Variants in ANO9 observed in about 807,000 individuals in gnomAD.
The protein encoded by ANO9 is anoctamin-9.
A neutral mutation model predicts 100.5 loss-of-function variants in ANO9; 80 were observed. That is an observed-to-expected ratio of 0.80 (90% CI 0.66 to 0.96). The LOEUF is 0.96. Ranked by LOEUF, ANO9 falls within the 40% of genes least tolerant of loss-of-function variation. ANO9 has a pLI of 0.00. For synonymous variants in ANO9, 473 were observed against 435.6 expected, an observed-to-expected ratio of 1.09 and a Z score of -1.07; for missense variants, 1,064 against 1,072.7, an observed-to-expected ratio of 0.99 and a Z score of 0.11.
Position 420,955 on chromosome 11 carries a change from A to C in ANO9, c.1480T>G (p.Tyr494Asp). Residue 494 changes from tyrosine to aspartate, a missense_variant, in exon 17 of 23, where the codon TAC becomes GAC. Transcript: ENST00000332826. The stretch of plus-strand genomic sequence containing the variant: ...GGGGTCGGCACTCACGGGACCAGGT[A>C]CTCGACGCAGTTGCTGAGCGTCTGC... ...LKQTLSNCVE[Y>D]LVPWVTHKCR... 6.2e-7 allele frequency: 1 copy of C among 1,604,762 alleles called. No individual in the cohort carries two copies. The highest frequency in any genetic ancestry group is 8.5e-7 in the Non-Finnish European group (1 of 1,174,624).
At position 418,316 on chromosome 11, in the gene ANO9, G is replaced by A; in HGVS notation, c.*55C>T. On this transcript the variant is annotated 3_prime_UTR_variant, in exon 23 of 23. Coordinates refer to ENST00000332826, the MANE Select transcript of ANO9 (RefSeq NM_001012302.3). Reference sequence around the variant, plus strand: ...CACGCACAGCGGTGGGCTTGTGGGAGGTGCTGGTGGTGGCACTGTCTCAGC... The same window carrying A: ...CACGCACAGCGGTGGGCTTGTGGGAAGTGCTGGTGGTGGCACTGTCTCAGC... The A allele has an allele frequency of 2.0e-6, 3 of 1,476,320 alleles. No homozygotes were observed. Among genetic ancestry groups the A allele is most frequent in the African/African-American group, 1.4e-5 (1 of 71,104 alleles). 91.5% of individuals were successfully genotyped at this position (1,476,320 alleles called of 1,614,324 possible). A position where few individuals can be genotyped will look rare whatever the true frequency, so the allele number is the denominator to read the frequency against.
rs1405915764 is a variant in ANO9, at chr11:431,891, A to G, written c.422T>C (p.Leu141Pro). The G allele has an allele frequency of 1.9e-6, 3 of 1,610,528 alleles. No homozygotes were observed. Among genetic ancestry groups the G allele is most frequent in the Non-Finnish European group, 2.5e-6 (3 of 1,178,054 alleles). ...KTSAGETFED[L>P]MKDGVFEARF... ...GGCCTCAAAGACCCCGTCCTTCATC[A>G]GATCCTCGAAGGTCTCTGGGTCACA... Residue 141 changes from leucine to proline, a missense_variant, in exon 6 of 23, where the codon CTG (leucine) becomes CCG (proline). By Grantham distance (98) the Leu-to-Pro change is moderately conservative. Coordinates refer to ENST00000332826, the MANE Select transcript of ANO9 (RefSeq NM_001012302.3).
Position 430,157 on chromosome 11 carries a change from C to T in ANO9, c.697G>A (p.Asp233Asn), listed in dbSNP as rs897359800. The T allele has an allele frequency of 2.9e-5, 45 of 1,552,716 alleles. No individual in the cohort carries two copies. The highest frequency in any genetic ancestry group is 3.3e-5 in the Non-Finnish European group (38 of 1,148,576). ...QISKEICEAH[D>N]ILMCPLGDHS... ...TCGCCGAGGGGACACATGAGGATGT[C>T]GTGGGCCTCACAGATCTCCTTGCTG... Residue 233 changes from aspartate to asparagine, a missense_variant, in exon 9 of 23, where the codon GAC becomes AAC. Transcript: ENST00000332826.
At chr11:424,219 T>C (rs1405191748) in intron 15 of ANO9, among the ~76,000 whole-genome samples, 1 of 152,214 alleles carries the variant, frequency 6.6e-6, no homozygotes, top group Non-Finnish European at 1.5e-5. Context: ...TTATTAATCT[T>C]GAGGAGTGGC....
In ANO9 at chr11:420,560, C is replaced by A; in HGVS notation, c.1689G>T (p.Leu563=). Residue 563 remains leucine (L), a synonymous_variant, in exon 19 of 23, where the codon CTG becomes CTT. Coordinates refer to ENST00000332826, the MANE Select transcript of ANO9 (RefSeq NM_001012302.3). ...CCACGAGGTTGCTGAAGAGCGCGAGCAGCGGCGCCAGCGGGAAGGCGGCCA... is the reference window on the plus strand; with the variant it reads ...CCACGAGGTTGCTGAAGAGCGCGAGAAGCGGCGCCAGCGGGAAGGCGGCCA... The part of the protein sequence containing the change: ...IFVAAFPLAP[L]LALFSNLVEI... 6.2e-7 allele frequency: 1 copy of A among 1,605,364 alleles called. No individual in the cohort carries two copies. Among genetic ancestry groups the A allele is most frequent in the African/African-American group, 1.3e-5 (1 of 75,038 alleles).
At position 428,535 on chromosome 11, in the gene ANO9, G is replaced by A. The variant is rs752758931; in HGVS notation, c.1125C>T (p.Thr375=). 3 of 1,612,696 alleles carry A rather than the reference G, an allele frequency of 1.9e-6. No individual in the cohort carries two copies. The highest frequency in any genetic ancestry group is 2.2e-5 in the South Asian group (2 of 91,090). The change falls in exon 13 of 23, where the codon ACC becomes ACT. Residue 375 remains threonine, a synonymous_variant. Coordinates refer to ENST00000332826, the MANE Select transcript of ANO9 (RefSeq NM_001012302.3). ...GAGCCCCGGTCACCACCACGGCCGT[G>A]GTCACCTGCTCCTCCAGGAAGGGCA... is the stretch of plus-strand genomic sequence containing the variant. The part of the protein sequence containing the change: ...SAVPFLEEQV[T]TAVVVTGALV...
Position 433,095 on chromosome 11 carries a change from T to C in ANO9, c.350+219A>G, listed in dbSNP as rs113377310. The C allele has an allele frequency of 1.7e-3, 986 of 579,044 alleles. 12 individuals carry two copies. In the African/African-American group the frequency reaches 0.017, roughly 10 times the overall value. The allele number at this position is 579,044 out of a possible 1,614,324, so 35.9% of individuals were successfully genotyped here. A position where few individuals can be genotyped will look rare whatever the true frequency, so the allele number is the denominator to read the frequency against. On this transcript the variant is annotated intron_variant, in intron 4 of 22. Transcript: ENST00000332826. ...AGGCAGCCACACGGAGCCCTCAGAA[T>C]GCTCTGAGCGTTGAGAACCACCGTG...
chr11:418,175 C>T lies in ANO9; in HGVS notation c.*196G>A. 2 of 619,368 alleles carry T rather than the reference C, an allele frequency of 3.2e-6. No homozygotes were observed. The highest frequency in any genetic ancestry group is 5.5e-6 in the Non-Finnish European group (2 of 361,584). 38.4% of individuals were successfully genotyped at this position (619,368 alleles called of 1,614,324 possible). ...GAGTTCAAGTCAGGGCTGTGCCAAG[C>T]CTGAGAGCCCCCACAAAGACGGAGC... On this transcript the variant is annotated 3_prime_UTR_variant, in exon 23 of 23. Transcript: ENST00000332826.
At position 428,378 on chromosome 11, in the gene ANO9, G is replaced by A; in HGVS notation, c.1202C>T (p.Ala401Val). The change falls in exon 14 of 23, where the codon GCC becomes GTC. Residue 401 changes from alanine (A) to valine (V), a missense_variant. Coordinates refer to ENST00000332826, the MANE Select transcript of ANO9 (RefSeq NM_001012302.3). ...CTCACCGAAGTCACAAAGCTTCAGG[G>A]CCACGCACCTGTTGATCTGCGGAGG... ...IIMTKINRCV[A>V]LKLCDFEMPR... 6.2e-7 allele frequency: 1 copy of A among 1,612,618 alleles called. No homozygotes were observed. The highest frequency in any genetic ancestry group is 8.5e-7 in the Non-Finnish European group (1 of 1,179,940).
chr11:419,306 G>T, intron 20 of ANO9: 1 of 1,408,302 alleles, frequency 7.1e-7, no homozygotes, highest in East Asian at 2.6e-5. Context: ...ACCTCACATC[G>T]GGAGGGAGCC....
Position 420,796 on chromosome 11 carries a change from CG to C in ANO9, c.1554del (p.Glu519SerfsTer11). ...ASESGHLPRD[P>X]ELRDWRRNYL... ...TAGTTGCGCCGCCAGTCCCTGAGCTCGGGGTCCCGGGGCAGGTGCCCGGACT... is the reference window on the plus strand; with the variant it reads ...TAGTTGCGCCGCCAGTCCCTGAGCTCGGGTCCCGGGGCAGGTGCCCGGACT... On this transcript the variant is annotated frameshift_variant, in exon 18 of 23. Coordinates refer to ENST00000332826, the MANE Select transcript of ANO9 (RefSeq NM_001012302.3). LOFTEE classifies it high-confidence loss of function. 1 of 1,596,734 alleles carries C rather than the reference CG, an allele frequency of 6.3e-7. No homozygotes were observed.
chr11:433,808 C>A lies in ANO9; in HGVS notation c.204+7G>T, dbSNP rs775274907. 1 of 1,557,062 alleles carries A rather than the reference C, an allele frequency of 6.4e-7. No homozygotes were observed. Among genetic ancestry groups the A allele is most frequent in the Admixed American group, 1.9e-5 (1 of 51,638 alleles). On this transcript the variant is annotated splice_region_variant and intron_variant, in intron 3 of 22. Transcript: ENST00000332826. ...ATGGCCCTGCCCCTCGCTGGGCACC[C>A]GCCCACCTTAATGTGGAAGCCCTTT...
chr11:438,742 G>T lies in ANO9; in HGVS notation c.6+3179C>A, dbSNP rs375777089. On this transcript the variant is annotated intron_variant, in intron 1 of 22. Coordinates refer to ENST00000332826, the MANE Select transcript of ANO9 (RefSeq NM_001012302.3). ...CTGGCTTCTCCACACCACCCTCGGG[G>T]TCTTCACAGGTGAGGGCTGGACCAC... Among the ~76,000 whole-genome samples the T allele has an allele frequency of 4.6e-5, 7 of 152,202 alleles. 1 individual carries two copies. Among genetic ancestry groups the T allele is most frequent in the Admixed American group, 1.3e-4 (2 of 15,302 alleles).
chr11:418,656 G>A, intron 22 of ANO9, 64 bp downstream of exon 22: 3 of 1,610,572 alleles, frequency 1.9e-6, no homozygotes, highest in Admixed American at 1.7e-5. Flanking sequence ...TTCAGGGCCG[G>A]GGAGAAGGAC....
chr11:428,384 C>T lies in ANO9; in HGVS notation c.1196G>A (p.Cys399Tyr), dbSNP rs552955902. The change falls in exon 14 of 23, where the codon TGC becomes TAC. Residue 399 changes from cysteine to tyrosine, a missense_variant. By Grantham distance (194) the Cys-to-Tyr change is radical. Coordinates refer to ENST00000332826, the MANE Select transcript of ANO9 (RefSeq NM_001012302.3). ...GAAGTCACAAAGCTTCAGGGCCACG[C>T]ACCTGTTGATCTGCGGAGGAGGGCA... ...TIIIMTKINRCVALKLCDFEM... is the reference protein window; with the variant it reads ...TIIIMTKINRYVALKLCDFEM... 15 of 1,612,654 alleles carry T rather than the reference C, an allele frequency of 9.3e-6. No homozygotes were observed. Among genetic ancestry groups the T allele is most frequent in the South Asian group, 2.2e-5 (2 of 91,084 alleles).
chr11:441,940 G>T lies in ANO9; in HGVS notation c.-14C>A. On this transcript the variant is annotated 5_prime_UTR_variant, in exon 1 of 23. Coordinates refer to ENST00000332826, the MANE Select transcript of ANO9 (RefSeq NM_001012302.3). ...ACTCACCTGCATGCTGGCTGTGGCC[G>T]GAGTTCCAGCTGGGGTTTGGCGGCC... 6.2e-7 allele frequency: 1 copy of T among 1,606,916 alleles called. No homozygotes were observed.
Position 433,553 on chromosome 11 carries a change from TC to T in ANO9, c.205-95del, listed in dbSNP as rs947619752. 2.2e-5 allele frequency: 30 copies of T among 1,364,384 alleles called. 1 individual carries two copies. The highest frequency in any genetic ancestry group is 5.9e-5 in the Admixed American group (2 of 33,658). 84.5% of individuals were successfully genotyped at this position (1,364,384 alleles called of 1,614,324 possible). On this transcript the variant is annotated intron_variant, in intron 3 of 22. Coordinates refer to ENST00000332826, the MANE Select transcript of ANO9 (RefSeq NM_001012302.3). ...CCCCCTCTATTCCACCTCAGAACCC[TC>T]CCCCCTCTATTCCGCCTCAGAACCC...
At position 432,014 on chromosome 11, in the gene ANO9, T is replaced by C; in HGVS notation, c.391A>G (p.Lys131Glu). The C allele has an allele frequency of 6.2e-7, 1 of 1,613,060 alleles. No individual in the cohort carries two copies. The highest frequency in any genetic ancestry group is 8.5e-7 in the Non-Finnish European group (1 of 1,179,766). Residue 131 changes from lysine to glutamate, a missense_variant, in exon 5 of 23, where the codon AAG becomes GAG. Physicochemically the swap from Lys to Glu is moderately conservative, Grantham distance 56. Coordinates refer to ENST00000332826, the MANE Select transcript of ANO9 (RefSeq NM_001012302.3). This position sits in a 1 kb window ranked among gnomAD's most constrained non-coding sequence, Gnocchi z 4.8. ...RIVNFVVMNNKTSAGETFEDL... is the reference protein window; with the variant it reads ...RIVNFVVMNNETSAGETFEDL... ...CTGCCCTTACCACCAGCCGAGGTCTTGTTGTTCATGACAACGAAGTTCACG... is the reference window on the plus strand; with the variant it reads ...CTGCCCTTACCACCAGCCGAGGTCTCGTTGTTCATGACAACGAAGTTCACG...
intron 15 of ANO9, among the ~76,000 whole-genome samples, chr11:423,693 G>A (rs1205004190): frequency 2.0e-5 from 3 of 151,592 alleles, no homozygotes; most frequent in African/African-American, 7.3e-5. Flanking sequence ...TTTTTGTAGA[G>A]ACGTGCGGTG....
Sources: allele counts gnomAD v4.1 joint callset (sites outside exome capture counted in the v4.1 genomes callset), GRCh38; gene constraint gnomAD v4.1.1; non-coding constraint Gnocchi (gnomAD v3.1); transcripts MANE v1.5; gene names NCBI Gene and HGNC (gene_info 2026-07-23, HGNC 2026-07-21).